The following N4BP2 variants were observed in gnomAD, a reference collection of about 807,000 sequenced individuals.
N4BP2 encodes NEDD4-binding protein 2.
Under a neutral mutation model 152.8 loss-of-function variants are expected in N4BP2, and 91 were observed. The observed-to-expected ratio is 0.60, with a 90% CI of 0.50 to 0.71. The LOEUF is 0.71. N4BP2 is among the 30% of genes least tolerant of loss of function. The pLI, the probability that N4BP2 is intolerant of heterozygous loss-of-function variation, is 0.00. For synonymous variants in N4BP2, 646 were observed against 705.3 expected (o/e 0.92, Z 1.33); for missense variants, 1,923 against 2,059.1 (o/e 0.93, Z 1.28).
At chr4:40,169,549 A>G in the N4BP2 span, among the ~76,000 whole-genome samples, 1 of 151,712 alleles carries the variant, frequency 6.6e-6, no homozygotes, top group East Asian at 1.9e-4. Context: ...CTGAACTGAA[A>G]TGATAAACTT....
downstream of N4BP2, among the ~76,000 whole-genome samples, chr4:40,160,828 C>T (rs1721837944): frequency 6.6e-6 from 1 of 152,128 alleles, no homozygotes; most frequent in Non-Finnish European, 1.5e-5. Context: ...GCAAAAGGTG[C>T]CTCTGCTCCT....
At position 40,144,652 on chromosome 4, in the gene N4BP2, G is replaced by T. The variant is rs1720339680; in HGVS notation, c.4995G>T (p.Lys1665Asn). 2 of 1,612,568 alleles carry T rather than the reference G, an allele frequency of 1.2e-6. No individual in the cohort carries two copies. The highest frequency in any genetic ancestry group is 1.7e-6 in the Non-Finnish European group (2 of 1,179,448). The change falls in exon 16 of 18, where the codon AAG becomes AAT. Residue 1665 changes from lysine (K) to asparagine (N), a missense_variant. Coordinates refer to ENST00000261435, the MANE Select transcript of N4BP2 (RefSeq NM_018177.6). The part of the protein sequence containing the change: ...YAQQGTLHEQ[K>N]MKEANHLAAI... ...TTTAGGGTACTCTTCATGAGCAGAA[G>T]ATGAAAGAAGCCAATCACCTTGCTG...
At chr4:40,086,067 G>A (rs1044620363) in intron 2 of N4BP2, among the ~76,000 whole-genome samples, 3 of 149,246 alleles carry the variant, frequency 2.0e-5, no homozygotes, top group South Asian at 2.1e-4. Flanking sequence ...TGCTGGATTC[G>A]AGCGATCCTC....
chr4:40,129,906 T>C (rs1057279530), intron 12 of N4BP2, among the ~76,000 whole-genome samples: 4 of 152,330 alleles, frequency 2.6e-5, no homozygotes, highest in Middle Eastern at 3.4e-3. Flanking sequence ...ATGATTAAGG[T>C]TACAAGGTTT....
chr4:40,116,750 T>C (rs1717375958), intron 7 of N4BP2, among the ~76,000 whole-genome samples: 1 of 152,216 alleles, frequency 6.6e-6, no homozygotes, highest in Admixed American at 6.5e-5. Context: ...GAATTTTCTT[T>C]ATAGTAAGGG....
At chr4:40,099,681 GAA>G (rs200624860) in intron 3 of N4BP2, among the ~76,000 whole-genome samples, 1 of 151,592 alleles carries the variant, frequency 6.6e-6, no homozygotes, top group Admixed American at 6.6e-5. Flanking sequence ...TTCATTCATT[GAA>G]AAAAAATTTT....
At chr4:40,090,715 C>G (rs1714445176) in intron 2 of N4BP2, among the ~76,000 whole-genome samples, 1 of 151,914 alleles carries the variant, frequency 6.6e-6, no homozygotes, top group Admixed American at 6.6e-5. Flanking sequence ...GGCCGATCAC[C>G]TGAGGTCAGG....
chr4:40,089,729 A>C (rs924034512), intron 2 of N4BP2, among the ~76,000 whole-genome samples: 5 of 152,088 alleles, frequency 3.3e-5, no homozygotes, highest in Non-Finnish European at 5.9e-5. Flanking sequence ...GAGCCACTGC[A>C]CCCAGCCACG....
intron 16 of N4BP2, among the ~76,000 whole-genome samples, chr4:40,150,186 C>CTT (rs1560648680): frequency 6.6e-6 from 1 of 151,774 alleles, no homozygotes; most frequent in African/African-American, 2.4e-5. Context: ...AAAAGAGAGA[C>CTT]ATCTGGACCT....
intron 3 of N4BP2, 33 bp downstream of exon 3, chr4:40,097,602 C>G: frequency 7.7e-7 from 1 of 1,306,176 alleles, no homozygotes; most frequent in Non-Finnish European, 1.1e-6. Context: ...CCCTGTCCAT[C>G]TTATAAGAAG....
Position 40,097,369 on chromosome 4 carries a change from GA to G in N4BP2, c.32del (p.Asn11IlefsTer55). 1 of 1,613,866 alleles carries G rather than the reference GA, an allele frequency of 6.2e-7. No homozygotes were observed. Among genetic ancestry groups the G allele is most frequent in the South Asian group, 1.1e-5 (1 of 91,030 alleles). On this transcript the variant is annotated frameshift_variant, in exon 3 of 18. Transcript: ENST00000261435. LOFTEE classifies it high-confidence loss of function. Reference sequence around the variant, plus strand: ...CCAAGGAGAAGGAAAAATCTTGGGGGAAATCCTTTTCGGAAGACTGCAAACC... The same window carrying G: ...CCAAGGAGAAGGAAAAATCTTGGGGGAATCCTTTTCGGAAGACTGCAAACC... MPRRRKNLG[G>X]NPFRKTANPK...
At chr4:40,064,376 G>T (rs1405188189) in intron 1 of N4BP2, among the ~76,000 whole-genome samples, 2 of 152,022 alleles carry the variant, frequency 1.3e-5, no homozygotes, top group African/African-American at 4.8e-5. Flanking sequence ...TTGGGTTCAA[G>T]TGATTCTCCT....
intron 2 of N4BP2, among the ~76,000 whole-genome samples, chr4:40,074,797 A>G (rs1712561120): frequency 6.6e-6 from 1 of 152,030 alleles, no homozygotes; most frequent in South Asian, 2.1e-4. Flanking sequence ...ACTTGAGGCC[A>G]GGAGTTTGAG....
intron 5 of N4BP2, among the ~76,000 whole-genome samples, chr4:40,110,785 G>A (rs1340750951): frequency 2.0e-5 from 3 of 152,110 alleles, no homozygotes; most frequent in Middle Eastern, 3.2e-3. Context: ...TGATCCGCCC[G>A]CCTCAGTATC....
intron 2 of N4BP2, among the ~76,000 whole-genome samples, chr4:40,095,555 A>T (rs1715033765): frequency 1.3e-5 from 2 of 152,204 alleles, no homozygotes. Flanking sequence ...TGGCTGCCAT[A>T]TTGACAATGC....
At chr4:40,098,528 G>A (rs1051059717) in intron 3 of N4BP2, among the ~76,000 whole-genome samples, 4 of 152,162 alleles carry the variant, frequency 2.6e-5, no homozygotes, top group Admixed American at 2.6e-4. Context: ...TACTAGCCAT[G>A]ATTAGTATAA....
intron 2 of N4BP2, among the ~76,000 whole-genome samples, chr4:40,088,283 G>A (rs946354151): frequency 6.6e-6 from 1 of 152,028 alleles, no homozygotes; most frequent in Non-Finnish European, 1.5e-5. Context: ...TAATTTTTCA[G>A]TCCTGATAAA....
chr4:40,063,989 G>C (rs556668182), intron 1 of N4BP2, among the ~76,000 whole-genome samples: 1 of 151,482 alleles, frequency 6.6e-6, no homozygotes, highest in Admixed American at 6.6e-5. Context: ...GGCAGGGGGG[G>C]GTCTCACTAT....
Position 40,110,473 on chromosome 4 carries a change from AT to A in N4BP2, c.1499-1608del, listed in dbSNP as rs367855551. Among the ~76,000 whole-genome samples, 129 of 152,054 alleles carry A rather than the reference AT, an allele frequency of 8.5e-4. 2 individuals are homozygous for A. The South Asian group carries it at 0.025, about 30-fold the overall frequency. On this transcript the variant is annotated intron_variant, in intron 5 of 17. Coordinates refer to ENST00000261435, the MANE Select transcript of N4BP2 (RefSeq NM_018177.6). ...GAAGTGGTATCTCACTGTGGTTTCA[AT>A]TTGCTTTTCTCTGATGGCTAATGAT...
Sources: gnomAD v4.1 joint callset for allele counts (sites outside exome capture counted in the v4.1 genomes callset) on GRCh38, gnomAD v4.1.1 for gene constraint, MANE v1.5 for transcripts, NCBI Gene and HGNC (gene_info 2026-07-23, HGNC 2026-07-21) for gene names.